The following NRG3 variants were observed in gnomAD, a reference collection of about 807,000 sequenced individuals.
NRG3 encodes pro-neuregulin-3, membrane-bound isoform.
NRG3 carries 31 observed loss-of-function variants against 66.9 expected under a neutral mutation model. The observed-to-expected ratio is 0.46, with a 90% CI of 0.35 to 0.63. The LOEUF (loss-of-function observed/expected upper bound fraction) is 0.63. NRG3 is among the 20% of genes least tolerant of loss of function. NRG3 has a pLI of 0.00. For synonymous variants in NRG3, 393 were observed against 359.4 expected, an observed-to-expected ratio of 1.09 and a Z score of -1.06; for missense variants, 910 against 878.9, an observed-to-expected ratio of 1.04 and a Z score of -0.45.
chr10:82,595,481 A>G (rs2047216824), intron 2 of NRG3, among the ~76,000 whole-genome samples: 1 of 152,168 alleles, frequency 6.6e-6, no homozygotes, highest in Non-Finnish European at 1.5e-5. Context: ...GTTGCACAAC[A>G]TAGCATGTTA....
chr10:81,994,051 T>C (rs1444375824), intron 1 of NRG3, among the ~76,000 whole-genome samples: 1 of 152,182 alleles, frequency 6.6e-6, no homozygotes, highest in Non-Finnish European at 1.5e-5. Context: ...AAAAATGTAA[T>C]TGCTGGGTCA....
intron 1 of NRG3, among the ~76,000 whole-genome samples, chr10:81,971,452 A>G (rs533082919): frequency 6.6e-6 from 1 of 152,344 alleles, no homozygotes; most frequent in East Asian, 1.9e-4. Flanking sequence ...GAAAATATCT[A>G]TTATTTAATA....
At chr10:82,128,998 C>T (rs1478905008) in intron 1 of NRG3, among the ~76,000 whole-genome samples, 1 of 151,872 alleles carries the variant, frequency 6.6e-6, no homozygotes, top group Admixed American at 6.6e-5. Context: ...ACTGCAACCT[C>T]GCCTCTCGGG....
At chr10:82,529,905 CT>C (rs1234516409) in intron 2 of NRG3, among the ~76,000 whole-genome samples, 2 of 152,092 alleles carry the variant, frequency 1.3e-5, no homozygotes, top group African/African-American at 4.8e-5. Context: ...AAAAGTCAAA[CT>C]GAAGTAGTTG....
intron 1 of NRG3, among the ~76,000 whole-genome samples, chr10:82,090,726 G>A (rs183454483): frequency 4.4e-3 from 635 of 145,256 alleles, no homozygotes; most frequent in Non-Finnish European, 7.6e-3. Context: ...GTTAATGGGG[G>A]CAAAACAAGA....
At chr10:82,236,466 T>G (rs2076756439) in intron 1 of NRG3, among the ~76,000 whole-genome samples, 1 of 152,176 alleles carries the variant, frequency 6.6e-6, no homozygotes, top group Non-Finnish European at 1.5e-5. Flanking sequence ...GATCCCCTCA[T>G]TCAGTCTTTG....
At chr10:82,288,708 G>A (rs76099209) in intron 1 of NRG3, among the ~76,000 whole-genome samples, 2,891 of 152,298 alleles carry the variant, frequency 0.019, 36 homozygotes, top group Non-Finnish European at 0.028. Flanking sequence ...CAAATGCAAT[G>A]ACACTGACTC....
intron 2 of NRG3, among the ~76,000 whole-genome samples, chr10:82,491,048 G>A (rs1441050783): frequency 6.6e-6 from 1 of 151,430 alleles, no homozygotes; most frequent in Admixed American, 6.6e-5. Context: ...GTCTTCTTCT[G>A]AGCTCCTCTC....
chr10:82,242,047 G>C (rs540082216), intron 1 of NRG3, among the ~76,000 whole-genome samples: 1 of 151,952 alleles, frequency 6.6e-6, no homozygotes, highest in Admixed American at 6.6e-5. Flanking sequence ...TTTCAATAAG[G>C]AAAATATTTT....
chr10:82,927,812 G>A (rs566245181), intron 4 of NRG3, among the ~76,000 whole-genome samples: 42 of 152,246 alleles, frequency 2.8e-4, no homozygotes, highest in African/African-American at 6.3e-4. Context: ...ATACGTGTGC[G>A]TGTGTCTTTA....
chr10:82,183,057 T>C (rs1051525632), intron 1 of NRG3, among the ~76,000 whole-genome samples: 4 of 151,976 alleles, frequency 2.6e-5, no homozygotes, highest in Admixed American at 1.3e-4. Context: ...CTCTTTGTCT[T>C]TGAATTTTGA....
intron 2 of NRG3, among the ~76,000 whole-genome samples, chr10:82,360,218 C>T (rs1269234290): frequency 6.6e-6 from 1 of 152,152 alleles, no homozygotes; most frequent in Non-Finnish European, 1.5e-5. Context: ...CCTCCTCTCT[C>T]ATATTTATTG....
At chr10:82,620,516 C>T (rs957914383) in intron 2 of NRG3, among the ~76,000 whole-genome samples, 6 of 152,130 alleles carry the variant, frequency 3.9e-5, no homozygotes, top group Non-Finnish European at 8.8e-5. Flanking sequence ...CCAGCCATCC[C>T]TCTGAAGTCA....
chr10:81,975,057 T>C (rs984017366), intron 1 of NRG3, among the ~76,000 whole-genome samples: 1 of 151,326 alleles, frequency 6.6e-6, no homozygotes, highest in African/African-American at 2.4e-5. Flanking sequence ...CACGGTCTTG[T>C]GGACATATAG....
intron 1 of NRG3, among the ~76,000 whole-genome samples, chr10:82,001,061 A>C (rs924315194): frequency 6.6e-6 from 1 of 152,168 alleles, no homozygotes; most frequent in Non-Finnish European, 1.5e-5. Flanking sequence ...AGAAGAAAAC[A>C]ATTCTCCCTG....
intron 3 of NRG3, among the ~76,000 whole-genome samples, chr10:82,806,879 C>A (rs980540407): frequency 6.6e-6 from 1 of 152,102 alleles, no homozygotes; most frequent in African/African-American, 2.4e-5. Context: ...TGCATGTAAC[C>A]CTTCCTATTT....
At chr10:81,883,384 G>A (rs967561097) in intron 1 of NRG3, among the ~76,000 whole-genome samples, 5 of 152,144 alleles carry the variant, frequency 3.3e-5, no homozygotes, top group Non-Finnish European at 5.9e-5. Context: ...ACAGGTTGGT[G>A]ATTGTACATA....
intron 1 of NRG3, among the ~76,000 whole-genome samples, chr10:82,220,825 C>A (rs920959468): frequency 3.3e-5 from 5 of 152,070 alleles, no homozygotes; most frequent in South Asian, 2.1e-4. Flanking sequence ...GAAATCCTAT[C>A]TCTACAAAAA....
intron 2 of NRG3, among the ~76,000 whole-genome samples, chr10:82,660,656 T>G (rs1362233808): frequency 6.6e-6 from 1 of 152,244 alleles, no homozygotes; most frequent in East Asian, 1.9e-4. Flanking sequence ...GGAACCGTAC[T>G]GAGATTTCTG....
Sources: allele counts gnomAD v4.1 joint callset (sites outside exome capture counted in the v4.1 genomes callset), GRCh38; gene constraint gnomAD v4.1.1; transcripts MANE v1.5; gene names NCBI Gene and HGNC (gene_info 2026-07-23, HGNC 2026-07-21).